The following FAM78B variants were observed in gnomAD, a reference collection of about 807,000 sequenced individuals.
The protein encoded by FAM78B is family with sequence similarity 78 member B, also known as protein FAM78B.
Under a neutral mutation model 20.0 loss-of-function variants are expected in FAM78B, and 10 were observed. That is an observed-to-expected ratio of 0.50 (90% CI 0.31 to 0.85). The LOEUF (loss-of-function observed/expected upper bound fraction) is 0.85. Ranked by LOEUF, FAM78B falls within the 40% of genes least tolerant of loss-of-function variation. The pLI is 0.05. For synonymous variants in FAM78B, 135 were observed against 132.8 expected, an observed-to-expected ratio of 1.02 and a Z score of -0.12; for missense variants, 283 against 345.0, an observed-to-expected ratio of 0.82 and a Z score of 1.42.
chr1:166,106,896 A>G (rs947273111), intron 1 of FAM78B, among the ~76,000 whole-genome samples: 2 of 152,188 alleles, frequency 1.3e-5, no homozygotes, highest in African/African-American at 4.8e-5. Flanking sequence ...GTTATATCAA[A>G]AAACTTTCAT....
rs1244215940 is a variant in FAM78B, at chr1:166,163,049, A to G, written c.263+2937T>C. Reference sequence around the variant, plus strand: ...TCTGCATTTGTCGTCTTATAATGAGAAGCAGTGAAAACTGCCTGCATATTC... The same window carrying G: ...TCTGCATTTGTCGTCTTATAATGAGGAGCAGTGAAAACTGCCTGCATATTC... On this transcript the variant is annotated intron_variant, in intron 1 of 1. Transcript: ENST00000354422. Among the ~76,000 whole-genome samples, 5 of 152,340 alleles carry G rather than the reference A, an allele frequency of 3.3e-5. No homozygotes were observed. In the East Asian group the frequency reaches 7.7e-4, roughly 24 times the overall value.
chr1:166,098,423 G>A (rs1248439574), intron 1 of FAM78B, among the ~76,000 whole-genome samples: 3 of 152,196 alleles, frequency 2.0e-5, no homozygotes, highest in Non-Finnish European at 1.5e-5. Context: ...GAATTCAGAA[G>A]GTTAGTTATT....
chr1:166,163,623 G>A (rs1656245322), intron 1 of FAM78B, among the ~76,000 whole-genome samples: 1 of 152,188 alleles, frequency 6.6e-6, no homozygotes, highest in Admixed American at 6.5e-5. Context: ...GGCTAAAGTA[G>A]ACATAATAAC....
intron 1 of FAM78B, among the ~76,000 whole-genome samples, chr1:166,160,039 A>G (rs918782055): frequency 1.3e-5 from 2 of 152,176 alleles, no homozygotes; most frequent in African/African-American, 2.4e-5. Context: ...TTATTTCCAG[A>G]CCGTGAGCCT....
chr1:166,125,722 C>G (rs554186715), intron 1 of FAM78B, among the ~76,000 whole-genome samples: 30 of 152,234 alleles, frequency 2.0e-4, no homozygotes, highest in African/African-American at 5.5e-4. Flanking sequence ...TGTATACTCT[C>G]AATCATCTCT....
intron 1 of FAM78B, among the ~76,000 whole-genome samples, chr1:166,078,954 T>A (rs1394991998): frequency 6.9e-6 from 1 of 145,936 alleles, no homozygotes; most frequent in African/African-American, 2.5e-5. Flanking sequence ...TCTTTAGAGA[T>A]GGGGTCTCAC....
chr1:166,154,837 T>G (rs373830661), intron 1 of FAM78B: 62 of 473,130 alleles, frequency 1.3e-4, no homozygotes, highest in African/African-American at 1.2e-3. Flanking sequence ...CGTCCCCATC[T>G]GTAAAAGAAG....
intron 1 of FAM78B, among the ~76,000 whole-genome samples, chr1:166,129,239 G>C (rs1043309841): frequency 6.6e-6 from 1 of 152,204 alleles, no homozygotes; most frequent in African/African-American, 2.4e-5. Flanking sequence ...TTAGGAAAAA[G>C]CAGCATATGG....
At chr1:166,076,061 C>T (rs886281337) in intron 1 of FAM78B, among the ~76,000 whole-genome samples, 2 of 152,224 alleles carry the variant, frequency 1.3e-5, no homozygotes, top group Non-Finnish European at 2.9e-5. Flanking sequence ...TCTTAGATTA[C>T]TGCAGTGGCC....
At chr1:166,111,141 G>A (rs1391491701) in intron 1 of FAM78B, among the ~76,000 whole-genome samples, 2 of 152,160 alleles carry the variant, frequency 1.3e-5, no homozygotes, top group Non-Finnish European at 1.5e-5. Flanking sequence ...CACTAGCATA[G>A]ACTTGGCCCT....
At chr1:166,083,370 C>T (rs956366731) in intron 1 of FAM78B, among the ~76,000 whole-genome samples, 55 of 150,906 alleles carry the variant, frequency 3.6e-4, no homozygotes, top group African/African-American at 1.2e-3. Context: ...GGGAAGAGTG[C>T]GGGGTGGGAC....
intron 1 of FAM78B, among the ~76,000 whole-genome samples, chr1:166,144,140 G>A (rs975557083): frequency 6.6e-6 from 1 of 152,182 alleles, no homozygotes; most frequent in Non-Finnish European, 1.5e-5. Context: ...CAGGGATGAA[G>A]GGCTTGGTGG....
At chr1:166,130,385 G>A (rs1342297511) in intron 1 of FAM78B, among the ~76,000 whole-genome samples, 1 of 152,234 alleles carries the variant, frequency 6.6e-6, no homozygotes, top group Admixed American at 6.5e-5. Context: ...AGAGAAGGAG[G>A]AAGACAACCA....
chr1:166,106,570 A>T lies in FAM78B; in HGVS notation c.264-35807T>A, dbSNP rs562898190. On this transcript the variant is annotated intron_variant, in intron 1 of 1. Transcript: ENST00000354422. ...GGTCATTGTCATATAGTGAGCATTT[A>T]AGTGAATTTAAGAGCATTTAAGGGC... is the stretch of plus-strand genomic sequence containing the variant. 3.3e-5 allele frequency among the ~76,000 whole-genome samples: 5 copies of T among 152,314 alleles called. No homozygotes were observed. In the South Asian group the frequency reaches 1.0e-3, roughly 32 times the overall value.
chr1:166,089,976 G>A (rs1310554029), intron 1 of FAM78B, among the ~76,000 whole-genome samples: 2 of 152,176 alleles, frequency 1.3e-5, no homozygotes, highest in African/African-American at 2.4e-5. Flanking sequence ...GGGGCTCTTC[G>A]CCCTCCTGGC....
rs1653855299 is a variant in FAM78B at position 166,108,028 on chromosome 1, G to A, written c.264-37265C>T. 2.6e-5 allele frequency among the ~76,000 whole-genome samples: 4 copies of A among 152,124 alleles called. No individual in the cohort carries two copies. In the South Asian group the frequency reaches 8.3e-4, roughly 32 times the overall value. The stretch of plus-strand genomic sequence containing the variant: ...AAAAACCATCTACGACAAACCCACA[G>A]CCAACATAATACTGAATAGGGAAAG... On this transcript the variant is annotated intron_variant, in intron 1 of 1. Transcript: ENST00000354422.
At chr1:166,080,758 C>G (rs910347405) in intron 1 of FAM78B, among the ~76,000 whole-genome samples, 5 of 152,224 alleles carry the variant, frequency 3.3e-5, no homozygotes, top group African/African-American at 4.8e-5. Flanking sequence ...TCTCATGTTC[C>G]GTGTCATTGC....
At chr1:166,137,027 C>T (rs1655090572) in intron 1 of FAM78B, among the ~76,000 whole-genome samples, 1 of 152,172 alleles carries the variant, frequency 6.6e-6, no homozygotes, top group Non-Finnish European at 1.5e-5. Flanking sequence ...GAACCTAGAT[C>T]TTATTTTAGT....
At chr1:166,136,482 C>A (rs1655069304) in intron 1 of FAM78B, among the ~76,000 whole-genome samples, 1 of 152,168 alleles carries the variant, frequency 6.6e-6, no homozygotes, top group South Asian at 2.1e-4. Context: ...TCTCTGCCCT[C>A]ACAGCTGCTG....
Sources: allele counts gnomAD v4.1 joint callset (sites outside exome capture counted in the v4.1 genomes callset), GRCh38; gene constraint gnomAD v4.1.1; transcripts MANE v1.5; gene names NCBI Gene and HGNC (gene_info 2026-07-23, HGNC 2026-07-21).